UBAC2: variants seen among roughly 807,000 people sequenced by gnomAD.
The protein encoded by UBAC2 is ubiquitin-associated domain-containing protein 2.
Under a neutral mutation model 44.0 loss-of-function variants are expected in UBAC2, and 26 were observed. The ratio of observed to expected loss-of-function variants is 0.59; its 90% CI spans 0.43 to 0.82. UBAC2 has a LOEUF of 0.82. Ranked by LOEUF, UBAC2 falls within the 40% of genes least tolerant of loss-of-function variation. UBAC2 has a pLI of 0.00. For missense variants in UBAC2, 329 were observed against 419.4 expected, an observed-to-expected ratio of 0.78 and a Z score of 1.88; for synonymous variants, 155 against 154.3, an observed-to-expected ratio of 1.00 and a Z score of -0.04.
chr13:99,331,522 C>T (rs2044715784), intron 6 of UBAC2, among the ~76,000 whole-genome samples: 1 of 152,126 alleles, frequency 6.6e-6, no homozygotes, highest in Non-Finnish European at 1.5e-5. Context: ...TAATTGGGTA[C>T]CTCAAAATCT....
chr13:99,359,127 G>C (rs1422778981), intron 7 of UBAC2, among the ~76,000 whole-genome samples: 1 of 152,206 alleles, frequency 6.6e-6, no homozygotes, highest in Admixed American at 6.5e-5. Flanking sequence ...TAGAGGGCTA[G>C]AAAGAAAGCG....
intron 4 of UBAC2, among the ~76,000 whole-genome samples, chr13:99,253,574 C>T (rs1354364134): frequency 2.0e-5 from 3 of 151,832 alleles, no homozygotes; most frequent in Non-Finnish European, 4.4e-5. Context: ...AGTGCAATGG[C>T]GCAATCTCGG....
intron 4 of UBAC2, among the ~76,000 whole-genome samples, chr13:99,284,981 A>G (rs1023366150): frequency 2.6e-5 from 4 of 152,186 alleles, no homozygotes; most frequent in African/African-American, 7.2e-5. Context: ...CAGATTCAGT[A>G]ATTAACATTT....
rs1221147206 is a variant in UBAC2 at position 99,234,751 on chromosome 13, A to G, written c.32-3676A>G. 2.0e-5 allele frequency among the ~76,000 whole-genome samples: 3 copies of G among 152,192 alleles called. No homozygotes were observed. In the East Asian group the frequency reaches 5.8e-4, roughly 29 times the overall value. On this transcript the variant is annotated intron_variant, in intron 1 of 8. Transcript: ENST00000403766. ...TTCAGGATCTATGAGAGAGGAAGGC[A>G]TGAAAACACAAAGGTGGAACCAAGG...
At chr13:99,371,094 A>T (rs1354761314) in intron 8 of UBAC2, among the ~76,000 whole-genome samples, 1 of 151,080 alleles carries the variant, frequency 6.6e-6, no homozygotes, top group African/African-American at 2.4e-5. Context: ...GCACTTCAGG[A>T]AAAAAAAAGT....
At chr13:99,251,735 A>AT in intron 4 of UBAC2, among the ~76,000 whole-genome samples, 1 of 152,240 alleles carries the variant, frequency 6.6e-6, no homozygotes, top group Non-Finnish European at 1.5e-5. Flanking sequence ...CAGATTTGAG[A>AT]TTCCAGCTCT....
chr13:99,270,849 G>A (rs572667330), intron 4 of UBAC2, among the ~76,000 whole-genome samples: 1 of 152,338 alleles, frequency 6.6e-6, no homozygotes, highest in South Asian at 2.1e-4. Context: ...AAGTGAGGAA[G>A]AGAATAGCTT....
At chr13:99,271,951 G>A (rs1026685332) in intron 4 of UBAC2, among the ~76,000 whole-genome samples, 67 of 152,148 alleles carry the variant, frequency 4.4e-4, no homozygotes, top group African/African-American at 1.4e-3. Context: ...TATGATGTTG[G>A]CCTTAGATTT....
At chr13:99,359,614 G>A (rs1000340009) in intron 7 of UBAC2, among the ~76,000 whole-genome samples, 1 of 152,200 alleles carries the variant, frequency 6.6e-6, no homozygotes, top group Non-Finnish European at 1.5e-5. Context: ...CCCGCTTGGG[G>A]GCAACTGGAA....
At chr13:99,239,314 G>C (rs918354092) in intron 2 of UBAC2, among the ~76,000 whole-genome samples, 1 of 152,202 alleles carries the variant, frequency 6.6e-6, no homozygotes, top group Admixed American at 6.5e-5. Flanking sequence ...TGTAGCTTCT[G>C]TATTATTTCA....
chr13:99,334,877 A>G (rs1041269465), intron 6 of UBAC2, among the ~76,000 whole-genome samples: 5 of 152,170 alleles, frequency 3.3e-5, no homozygotes, highest in South Asian at 2.1e-4. Context: ...TATGGTATCT[A>G]CAAGACACAC....
chr13:99,340,701 G>A (rs1330887806), intron 7 of UBAC2, 136 bp downstream of exon 7: 2 of 1,008,876 alleles, frequency 2.0e-6, no homozygotes, highest in African/African-American at 1.6e-5. Flanking sequence ...TTTCCAAAGA[G>A]ATTGTAGGTC....
intron 6 of UBAC2, among the ~76,000 whole-genome samples, chr13:99,338,039 C>CTTTTTTCTTTTTTTTTTTTTTTTTG (rs1566509471): frequency 1.1e-5 from 1 of 91,562 alleles, no homozygotes; most frequent in Admixed American, 1.4e-4. Context: ...AACTTTTTTT[C>CTTTTTTCTTTTTTTTTTTTTTTTTG]TTTTTTTCTT....
chr13:99,262,606 G>C lies in UBAC2; in HGVS notation c.389+17982G>C, dbSNP rs113575252. 7.5e-3 allele frequency among the ~76,000 whole-genome samples: 1,121 copies of C among 150,178 alleles called. 10 individuals carry two copies. The highest frequency in any genetic ancestry group is 0.056 in the South Asian group (264 of 4,752). ...TAATCCCAGCTACTCAGGAGGCTGAGGCAGGAGAATCGCTTGAACCCGGGA... is the reference window on the plus strand; with the variant it reads ...TAATCCCAGCTACTCAGGAGGCTGACGCAGGAGAATCGCTTGAACCCGGGA... On this transcript the variant is annotated intron_variant, in intron 4 of 8. Coordinates refer to ENST00000403766, the MANE Select transcript of UBAC2 (RefSeq NM_001144072.2).
At chr13:99,324,409 T>G (rs769659661) in intron 6 of UBAC2, among the ~76,000 whole-genome samples, 14,573 of 152,058 alleles carry the variant, frequency 0.096, 850 homozygotes, top group South Asian at 0.26. Context: ...CCCTTTGCCA[T>G]GAGAAAAGCA....
chr13:99,274,560 A>C lies in UBAC2; in HGVS notation c.389+29936A>C, dbSNP rs142751231. ...AGGCAGGTCTTGAATTCATGAGCTCAAGTGATCCTCCTGCCTTGGCCTTCC... is the reference window on the plus strand; with the variant it reads ...AGGCAGGTCTTGAATTCATGAGCTCCAGTGATCCTCCTGCCTTGGCCTTCC... On this transcript the variant is annotated intron_variant, in intron 4 of 8. Coordinates refer to ENST00000403766, the MANE Select transcript of UBAC2 (RefSeq NM_001144072.2). 3.9e-4 allele frequency among the ~76,000 whole-genome samples: 60 copies of C among 152,248 alleles called. No homozygotes were observed. In the East Asian group the frequency reaches 0.011, roughly 27 times the overall value.
At chr13:99,222,708 GGTCATGAT>G (rs762241637) in intron 1 of UBAC2, among the ~76,000 whole-genome samples, 4 of 152,142 alleles carry the variant, frequency 2.6e-5, no homozygotes, top group Admixed American at 2.0e-4. Context: ...AGCATTATTT[GGTCATGAT>G]GTATTCTTTT....
chr13:99,381,456 A>G (rs1247047306), intron 8 of UBAC2, among the ~76,000 whole-genome samples: 1 of 152,218 alleles, frequency 6.6e-6, no homozygotes, highest in African/African-American at 2.4e-5. Flanking sequence ...GCTGCACTTG[A>G]AGTACTACAG....
At chr13:99,382,903 G>A (rs1400613156) in intron 8 of UBAC2, among the ~76,000 whole-genome samples, 2 of 152,180 alleles carry the variant, frequency 1.3e-5, no homozygotes, top group Non-Finnish European at 2.9e-5. Context: ...GGCCTGGGTG[G>A]GGGCCGAGAA....
Sources: gnomAD v4.1 joint callset for allele counts (sites outside exome capture counted in the v4.1 genomes callset) on GRCh38, gnomAD v4.1.1 for gene constraint, MANE v1.5 for transcripts, NCBI Gene and HGNC (gene_info 2026-07-23, HGNC 2026-07-21) for gene names.